Variants in GRIP1 observed in about 807,000 individuals in gnomAD.
GRIP1 encodes the protein glutamate receptor interacting protein 1, also known as glutamate receptor-interacting protein 1.
In GRIP1, 45 loss-of-function variants were observed where a neutral mutation model predicts 129.9. That is an observed-to-expected ratio of 0.35 (90% CI 0.27 to 0.44). The LOEUF is 0.44. GRIP1 is among the 20% of genes least tolerant of loss of function. GRIP1 has a pLI of 1.00. For synonymous variants in GRIP1, 530 were observed against 520.8 expected (o/e 1.02, Z -0.24); for missense variants, 1,196 against 1,396.8 (o/e 0.86, Z 2.29).
chr12:66,967,329 A>G (rs1006799988), intron 1 of GRIP1, among the ~76,000 whole-genome samples: 1 of 152,170 alleles, frequency 6.6e-6, no homozygotes, highest in Non-Finnish European at 1.5e-5. Context: ...ACTTCAAAAT[A>G]TATGCAACAT....
chr12:66,364,596 C>T (rs188336624), intron 23 of GRIP1, among the ~76,000 whole-genome samples: 258 of 152,302 alleles, frequency 1.7e-3, no homozygotes, highest in Middle Eastern at 0.01. Context: ...TCAAAGTCAT[C>T]CTTCTGCTCA....
At chr12:66,407,609 T>A (rs1326530516) in intron 15 of GRIP1, among the ~76,000 whole-genome samples, 1 of 152,132 alleles carries the variant, frequency 6.6e-6, no homozygotes, top group East Asian at 1.9e-4. Flanking sequence ...AAAGCAACAC[T>A]GGGCAGAAGT....
intron 1 of GRIP1, among the ~76,000 whole-genome samples, chr12:66,982,951 A>G (rs548229826): frequency 6.6e-6 from 1 of 152,348 alleles, no homozygotes; most frequent in Admixed American, 6.5e-5. Context: ...TTTAATGAAT[A>G]TGGCTACTAG....
At chr12:66,804,598 T>A (rs1168804485), upstream of GRIP1, among the ~76,000 whole-genome samples, 1 of 151,820 alleles carries the variant, frequency 6.6e-6, no homozygotes, top group East Asian at 1.9e-4. Flanking sequence ...CTATCCAATA[T>A]CTCCATCATC....
chr12:66,751,609 G>A (rs1257615398), intron 1 of GRIP1, among the ~76,000 whole-genome samples: 1 of 152,148 alleles, frequency 6.6e-6, no homozygotes, highest in Admixed American at 6.6e-5. Flanking sequence ...ACACCTCAAG[G>A]GCAGGAGTTA....
At chr12:66,767,742 T>C (rs2037689788) in intron 1 of GRIP1, among the ~76,000 whole-genome samples, 1 of 152,158 alleles carries the variant, frequency 6.6e-6, no homozygotes, top group South Asian at 2.1e-4. Flanking sequence ...AATTGAGATG[T>C]AGGACCCTGC....
chr12:66,799,463 C>T (rs1193816539), intron 1 of GRIP1, among the ~76,000 whole-genome samples: 1 of 152,078 alleles, frequency 6.6e-6, no homozygotes, highest in Non-Finnish European at 1.5e-5. Flanking sequence ...GTCTGATGAT[C>T]CCACTATTTT....
intron 1 of GRIP1, among the ~76,000 whole-genome samples, chr12:66,731,102 G>A: frequency 6.6e-6 from 1 of 151,998 alleles, no homozygotes; most frequent in East Asian, 1.9e-4. Context: ...TATTCTTAGA[G>A]AGATCTCATT....
chr12:66,585,492 C>T (rs1299203601), intron 2 of GRIP1, among the ~76,000 whole-genome samples: 5 of 137,778 alleles, frequency 3.6e-5, no homozygotes, highest in African/African-American at 1.3e-4. Flanking sequence ...TTTCTTAATC[C>T]AGTCTATCAT....
chr12:66,862,190 T>G (rs2137120301), intron 1 of GRIP1, among the ~76,000 whole-genome samples: 1 of 152,238 alleles, frequency 6.6e-6, no homozygotes, highest in East Asian at 1.9e-4. Context: ...GTTCACTCAA[T>G]GACTCCTAGA....
chr12:66,462,149 T>C (rs2059154336), intron 9 of GRIP1, among the ~76,000 whole-genome samples: 1 of 152,162 alleles, frequency 6.6e-6, no homozygotes, highest in Non-Finnish European at 1.5e-5. Flanking sequence ...ATTGAATAAA[T>C]GGAGTTAAAT....
chr12:66,561,209 A>C (rs1565862290), intron 2 of GRIP1, among the ~76,000 whole-genome samples: 1 of 152,174 alleles, frequency 6.6e-6, no homozygotes. Context: ...AGTGGAAGGA[A>C]AGTGAGGATG....
chr12:66,355,451 C>G (rs1379851536), intron 23 of GRIP1, among the ~76,000 whole-genome samples: 1 of 152,172 alleles, frequency 6.6e-6, no homozygotes, highest in African/African-American at 2.4e-5. Context: ...TTTTCTCAGT[C>G]TGCCCTCACT....
chr12:66,885,328 C>A (rs979624665), intron 1 of GRIP1, among the ~76,000 whole-genome samples: 1 of 152,144 alleles, frequency 6.6e-6, no homozygotes, highest in African/African-American at 2.4e-5. Context: ...ACCTGCAGAG[C>A]AGGGAGGGGA....
At chr12:66,952,151 C>T (rs769091186) in intron 1 of GRIP1, among the ~76,000 whole-genome samples, 24 of 151,924 alleles carry the variant, frequency 1.6e-4, no homozygotes, top group South Asian at 6.2e-4. Context: ...AAAGAAGCAA[C>T]GGGATTGAGC....
At chr12:66,874,940 C>G (rs1220022936) in intron 1 of GRIP1, among the ~76,000 whole-genome samples, 1 of 152,004 alleles carries the variant, frequency 6.6e-6, no homozygotes, top group East Asian at 1.9e-4. Flanking sequence ...TTTGTACATT[C>G]TAAGATATAT....
chr12:66,992,212 A>G (rs1470771067), intron 1 of GRIP1, among the ~76,000 whole-genome samples: 8 of 152,188 alleles, frequency 5.3e-5, no homozygotes, highest in Non-Finnish European at 1.2e-4. Flanking sequence ...TAAAACTGTG[A>G]ATTTATCCTC....
At chr12:67,057,175 T>C (rs1322061232) in intron 1 of GRIP1, among the ~76,000 whole-genome samples, 1 of 152,016 alleles carries the variant, frequency 6.6e-6, no homozygotes, top group Non-Finnish European at 1.5e-5. Flanking sequence ...CCCTGTGTGG[T>C]TGCATTTGGA....
intron 1 of GRIP1, among the ~76,000 whole-genome samples, chr12:66,605,839 T>C (rs2064498984): frequency 6.6e-6 from 1 of 152,172 alleles, no homozygotes; most frequent in African/African-American, 2.4e-5. Context: ...AATAAAAGTA[T>C]TATCACCACT....
Sources: gnomAD v4.1 joint callset for allele counts (sites outside exome capture counted in the v4.1 genomes callset) on GRCh38, gnomAD v4.1.1 for gene constraint, MANE v1.5 for transcripts, NCBI Gene and HGNC (gene_info 2026-07-23, HGNC 2026-07-21) for gene names.